The following PUS10 variants were observed in gnomAD, a reference collection of about 807,000 sequenced individuals.
PUS10 encodes tRNA pseudouridine synthase Pus10.
A neutral mutation model predicts 75.0 loss-of-function variants in PUS10; 59 were observed. That is an observed-to-expected ratio of 0.79 (90% CI 0.64 to 0.98). The LOEUF is 0.98. PUS10 is among the 50% of genes least tolerant of loss of function. PUS10 has a pLI of 0.00. For synonymous variants in PUS10, 219 were observed against 211.6 expected, an observed-to-expected ratio of 1.03 and a Z score of -0.30; for missense variants, 650 against 614.4, an observed-to-expected ratio of 1.06 and a Z score of -0.61.
intron 10 of PUS10, 137 bp from the exon 11 acceptor site, chr2:60,960,654 C>G (rs1573408746): frequency 7.4e-6 from 5 of 677,870 alleles, no homozygotes; most frequent in Middle Eastern, 6.3e-4. Context: ...ACCTAACTAA[C>G]AATCCAATTT....
intron 5 of PUS10, 62 bp from the exon 6 acceptor site, chr2:60,967,675 G>T (rs1676426082): frequency 2.8e-6 from 3 of 1,082,356 alleles, no homozygotes; most frequent in South Asian, 1.4e-5. Flanking sequence ...TTAAAGGCAA[G>T]AATTTATGCA....
At chr2:60,972,958 C>T (rs963064220) in intron 4 of PUS10, among the ~76,000 whole-genome samples, 1 of 152,228 alleles carries the variant, frequency 6.6e-6, no homozygotes, top group Non-Finnish European at 1.5e-5. Context: ...GTAGCTGCTG[C>T]CATCAAGCCT....
intron 4 of PUS10, among the ~76,000 whole-genome samples, chr2:60,986,257 C>T (rs1053405074): frequency 7.2e-5 from 11 of 152,172 alleles, no homozygotes; most frequent in Admixed American, 6.5e-5. Flanking sequence ...AGGATTCTTT[C>T]AAGCTGAAAT....
At chr2:60,982,533 G>A (rs964647168) in intron 4 of PUS10, among the ~76,000 whole-genome samples, 1 of 152,136 alleles carries the variant, frequency 6.6e-6, no homozygotes, top group Non-Finnish European at 1.5e-5. Context: ...AAAGTGCTGG[G>A]ATTACAGGCG....
chr2:61,009,869 G>A (rs1471915763), intron 2 of PUS10: 1 of 152,196 alleles, frequency 6.6e-6, no homozygotes. Context: ...CCATTTTATT[G>A]AGAAATTAGC....
At chr2:60,991,472 TGA>T (rs1005567956) in intron 4 of PUS10, among the ~76,000 whole-genome samples, 1 of 152,130 alleles carries the variant, frequency 6.6e-6, no homozygotes, top group African/African-American at 2.4e-5. Context: ...TATTTTTATT[TGA>T]GAGAGAGAGT....
chr2:61,017,842 C>G, intron 1 of PUS10, 166 bp downstream of exon 1: 3 of 1,550,472 alleles, frequency 1.9e-6, no homozygotes, highest in Non-Finnish European at 2.6e-6. Context: ...GGACCGGGCC[C>G]CACTTTCCAG....
chr2:60,962,330 G>C (rs1003853429), intron 9 of PUS10, among the ~76,000 whole-genome samples: 4 of 152,198 alleles, frequency 2.6e-5, no homozygotes, highest in African/African-American at 4.8e-5. Flanking sequence ...CCAGCACTTT[G>C]GGAGGCCGAG....
intron 4 of PUS10, among the ~76,000 whole-genome samples, chr2:60,995,936 T>C (rs1357600258): frequency 3.9e-5 from 6 of 152,220 alleles, no homozygotes; most frequent in Admixed American, 6.5e-5. Flanking sequence ...TGCTTCCTCC[T>C]CCATTATACT....
chr2:61,008,938 GGGA>G lies in PUS10; in HGVS notation c.201_203del (p.Pro68del). On this transcript the variant is annotated inframe_deletion, in exon 3 of 18. Transcript: ENST00000316752. ...CCAGTTCTTGCAGTCGAATTTTCTT[GGGA>G]GGTGGGTTCATAACTTCCAAAATTA... The G allele has an allele frequency of 6.2e-7, 1 of 1,613,438 alleles. No individual in the cohort carries two copies. The highest frequency in any genetic ancestry group is 8.5e-7 in the Non-Finnish European group (1 of 1,179,600).
intron 4 of PUS10, among the ~76,000 whole-genome samples, chr2:60,989,932 C>T (rs1422494710): frequency 6.6e-6 from 1 of 152,104 alleles, no homozygotes; most frequent in Non-Finnish European, 1.5e-5. Flanking sequence ...GGCTCAACTG[C>T]TTCTTATTCT....
Position 60,965,117 on chromosome 2 carries a change from C to G in PUS10, c.678-14G>C. 2.5e-6 allele frequency: 4 copies of G among 1,609,906 alleles called. No homozygotes were observed. Among genetic ancestry groups the G allele is most frequent in the Non-Finnish European group, 3.4e-6 (4 of 1,177,222 alleles). On this transcript the variant is annotated splice_polypyrimidine_tract_variant and intron_variant, in intron 7 of 17. Coordinates refer to ENST00000316752, the MANE Select transcript of PUS10 (RefSeq NM_144709.4). ...CATATCGCAGCTCTAAAATAAAATTCAAGTTAATATAAAAGGTTAATGAGT... is the reference window on the plus strand; with the variant it reads ...CATATCGCAGCTCTAAAATAAAATTGAAGTTAATATAAAAGGTTAATGAGT...
intron 11 of PUS10, among the ~76,000 whole-genome samples, chr2:60,956,817 A>G (rs894896611): frequency 6.6e-6 from 1 of 151,820 alleles, no homozygotes; most frequent in African/African-American, 2.4e-5. Flanking sequence ...TACTAAAAAT[A>G]CAAAAAAATT....
At chr2:60,980,864 G>A (rs1419960740) in intron 4 of PUS10, among the ~76,000 whole-genome samples, 1 of 152,094 alleles carries the variant, frequency 6.6e-6, no homozygotes, top group African/African-American at 2.4e-5. Flanking sequence ...TAGATCAGTG[G>A]TTCTCTAACA....
intron 6 of PUS10, 32 bp downstream of exon 6, chr2:60,967,470 G>T: frequency 7.2e-7 from 1 of 1,383,564 alleles, no homozygotes; most frequent in Non-Finnish European, 1.0e-6. Flanking sequence ...TAAAATCAGA[G>T]AATAAAATTA....
intron 5 of PUS10, among the ~76,000 whole-genome samples, chr2:60,968,275 T>C (rs1042383953): frequency 5.3e-5 from 8 of 152,124 alleles, no homozygotes; most frequent in Admixed American, 2.0e-4. Flanking sequence ...AAAATTGTGA[T>C]AGAAAGGAAC....
rs73932671 is a variant in PUS10 at position 60,962,794 on chromosome 2, C to G, written c.788+32G>C. On this transcript the variant is annotated intron_variant, in intron 9 of 17. Transcript: ENST00000316752. ...ACATTCCCTTTATTCTAAAATTTCACGATGCTTCTTTGTTTCTAAACTTCT... is the reference window on the plus strand; with the variant it reads ...ACATTCCCTTTATTCTAAAATTTCAGGATGCTTCTTTGTTTCTAAACTTCT... The G allele has an allele frequency of 3.2e-6, 5 of 1,568,860 alleles. No homozygotes were observed. In the African/African-American group the frequency reaches 4.1e-5, roughly 13 times the overall value.
intron 4 of PUS10, among the ~76,000 whole-genome samples, chr2:60,993,935 G>A (rs531025328): frequency 1.3e-5 from 2 of 151,984 alleles, no homozygotes; most frequent in African/African-American, 2.4e-5. Context: ...GACTACAGGC[G>A]CCTGCCACCA....
intron 4 of PUS10, among the ~76,000 whole-genome samples, chr2:60,979,526 C>A (rs1677252759): frequency 6.6e-6 from 1 of 152,260 alleles, no homozygotes; most frequent in South Asian, 2.1e-4. Context: ...GCACCACCAC[C>A]ATCTCCTCAC....
Sources: allele counts gnomAD v4.1 joint callset (sites outside exome capture counted in the v4.1 genomes callset), GRCh38; gene constraint gnomAD v4.1.1; transcripts MANE v1.5; gene names NCBI Gene and HGNC (gene_info 2026-07-23, HGNC 2026-07-21).